Variants in NFATC3 observed in about 807,000 individuals in gnomAD.
NFATC3 encodes the protein nuclear factor of activated T cells 3.
NFATC3 carries 46 observed loss-of-function variants against 98.6 expected under a neutral mutation model. The ratio of observed to expected loss-of-function variants is 0.47; its 90% confidence interval spans 0.37 to 0.60. The LOEUF is 0.60. Among genes scored for constraint, NFATC3 ranks in the 20% least tolerant of loss-of-function variants. NFATC3 has a pLI of 0.00. For missense variants in NFATC3, 1,256 were observed against 1,295.5 expected (o/e 0.97, Z 0.47); for synonymous variants, 512 against 472.2 (o/e 1.08, Z -1.09).
In NFATC3 at chr16:68,085,753, G is replaced by A; in HGVS notation, c.72G>A (p.Pro24=). The A allele has an allele frequency of 6.7e-7, 1 of 1,503,506 alleles. No individual in the cohort carries two copies. Among genetic ancestry groups the A allele is most frequent in the Non-Finnish European group, 8.8e-7 (1 of 1,130,520 alleles). 93.1% of individuals were successfully genotyped at this position (1,503,506 alleles called of 1,614,324 possible). ...FKLVFGEDGA[P]APPPPGSRPA... ...TCGTCTTTGGCGAGGACGGGGCGCC[G>A]GCGCCGCCGCCCCCGGGCTCGCGGC... The change falls in exon 1 of 10, where the codon CCG becomes CCA. Residue 24 remains proline (P), a synonymous_variant. Coordinates refer to ENST00000346183, the MANE Select transcript of NFATC3 (RefSeq NM_173165.3).
At chr16:68,107,460 C>T (rs529605882) in intron 1 of NFATC3, among the ~76,000 whole-genome samples, 14 of 152,146 alleles carry the variant, frequency 9.2e-5, no homozygotes, top group South Asian at 4.1e-4. Context: ...TGGTGGCTTA[C>T]GCCTGTAATC....
At chr16:68,125,018 A>T (rs987816729) in intron 2 of NFATC3, among the ~76,000 whole-genome samples, 2 of 152,254 alleles carry the variant, frequency 1.3e-5, no homozygotes, top group Admixed American at 1.3e-4. Flanking sequence ...GGCGTGAGCC[A>T]CTGCGCCCGG....
At chr16:68,151,961 TGGAA>T (rs2038347492) in intron 3 of NFATC3, among the ~76,000 whole-genome samples, 2 of 150,572 alleles carry the variant, frequency 1.3e-5, no homozygotes, top group Non-Finnish European at 3.0e-5. Flanking sequence ...CCCAGTTACT[TGGAA>T]GGCTGAGGCA....
In NFATC3 at chr16:68,198,404, A is replaced by G. The variant is rs572710551; in HGVS notation, c.3106+6629A>G. 5.9e-5 allele frequency among the ~76,000 whole-genome samples: 9 copies of G among 152,336 alleles called. No individual in the cohort carries two copies. In the East Asian group the frequency reaches 1.2e-3, roughly 20 times the overall value. ...AACATCTGAATTTTACACAGAGCCTAAGGTGTTCATCCAGGATAAGACACT... is the reference window on the plus strand; with the variant it reads ...AACATCTGAATTTTACACAGAGCCTGAGGTGTTCATCCAGGATAAGACACT... On this transcript the variant is annotated intron_variant, in intron 9 of 9. Transcript: ENST00000346183.
At chr16:68,222,807 CTGA>C (rs1670768156) in intron 9 of NFATC3, among the ~76,000 whole-genome samples, 2 of 152,106 alleles carry the variant, frequency 1.3e-5, no homozygotes, top group Non-Finnish European at 2.9e-5. Flanking sequence ...ATGATGATGC[CTGA>C]TGATAATCTA....
rs149680809 is a variant in NFATC3 at position 68,114,834 on chromosome 16, A to G, written c.104-7153A>G. On this transcript the variant is annotated intron_variant, in intron 1 of 9. Transcript: ENST00000346183. The stretch of plus-strand genomic sequence containing the variant: ...GTGATCCGCCTGCCTCTGCCTCCCA[A>G]AGTGCTGAGATTACAGGCGTCAGCC... Among the ~76,000 whole-genome samples, 14 of 152,190 alleles carry G rather than the reference A, an allele frequency of 9.2e-5. No individual in the cohort carries two copies. The East Asian group carries it at 2.7e-3, about 29-fold the overall frequency.
At chr16:68,158,185 T>TAATGTACTA in intron 4 of NFATC3, 117 bp downstream of exon 4, 3 of 654,132 alleles carry the variant, frequency 4.6e-6, no homozygotes, top group Non-Finnish European at 7.4e-6. Flanking sequence ...ATTATGTAAA[T>TAATGTACTA]AATGTACATT....
chr16:68,122,370 A>G lies in NFATC3; in HGVS notation c.487A>G (p.Ser163Gly). Residue 163 changes from serine (S) to glycine (G), a missense_variant, in exon 2 of 10, where the codon AGT (serine) becomes GGT (glycine). By Grantham distance (56) the Ser-to-Gly change is moderately conservative. Transcript: ENST00000346183. ...LEPSYRESSL[S>G]PSPASSISSR... ...GCCATCCTACCGGGAGTCTTCTCTT[A>G]GTCCTAGTCCTGCCAGCAGCATCTC... 5 of 1,614,132 alleles carry G rather than the reference A, an allele frequency of 3.1e-6. No individual in the cohort carries two copies. Among genetic ancestry groups the G allele is most frequent in the East Asian group, 2.2e-5 (1 of 44,880 alleles).
chr16:68,162,787 C>G (rs949770738), intron 4 of NFATC3, among the ~76,000 whole-genome samples: 16 of 150,900 alleles, frequency 1.1e-4, no homozygotes, highest in Admixed American at 8.6e-4. Context: ...GGGTGTTTCT[C>G]GCAGAGGGGG....
At chr16:68,168,222 G>A (rs182655785) in intron 5 of NFATC3, among the ~76,000 whole-genome samples, 4 of 151,200 alleles carry the variant, frequency 2.6e-5, no homozygotes, top group Admixed American at 6.6e-5. Flanking sequence ...ATGTGGTGGC[G>A]CAATCTCAAC....
chr16:68,122,565 C>T lies in NFATC3; in HGVS notation c.682C>T (p.Gln228Ter). ...GCPGEETWHQQYGLGHSLSPR... is the reference protein window; with the variant it reads ...GCPGEETWHQ ...CCCTGGAGAAGAAACTTGGCATCAACAGTATGGACTTGGACACTCATTATC... is the reference window on the plus strand; with the variant it reads ...CCCTGGAGAAGAAACTTGGCATCAATAGTATGGACTTGGACACTCATTATC... Residue 228 changes from glutamine to a stop codon, truncating the protein, a stop_gained, in exon 2 of 10, where the codon CAG becomes TAG. Coordinates refer to ENST00000346183, the MANE Select transcript of NFATC3 (RefSeq NM_173165.3). LOFTEE classifies it high-confidence loss of function. The T allele has an allele frequency of 6.2e-7, 1 of 1,614,178 alleles. No homozygotes were observed. Among genetic ancestry groups the T allele is most frequent in the Non-Finnish European group, 8.5e-7 (1 of 1,180,020 alleles).
Position 68,228,048 on chromosome 16 carries a change from G to A in NFATC3, c.*1577G>A, listed in dbSNP as rs767661246. The A allele has an allele frequency of 9.8e-5, 15 of 152,296 alleles. No individual in the cohort carries two copies. The highest frequency in any genetic ancestry group is 1.9e-4 in the East Asian group (1 of 5,184). The allele number at this position is 152,296 out of a possible 1,614,324, so 9.4% of individuals were successfully genotyped here. ...ACTCTCTCTACTAAGGCCAGTTCAG[G>A]TCTGGGAAAGGGAGCTGGCCTATTG... On this transcript the variant is annotated 3_prime_UTR_variant, in exon 10 of 10. Transcript: ENST00000346183.
intron 1 of NFATC3, among the ~76,000 whole-genome samples, chr16:68,112,844 A>G (rs1255649158): frequency 2.0e-5 from 3 of 151,530 alleles, no homozygotes; most frequent in African/African-American, 7.3e-5. Context: ...ATAGTCTTCA[A>G]GCTCTGATAT....
chr16:68,093,369 G>A (rs1294228004), intron 1 of NFATC3, among the ~76,000 whole-genome samples: 1 of 152,078 alleles, frequency 6.6e-6, no homozygotes, highest in Non-Finnish European at 1.5e-5. Flanking sequence ...AGGAAATTGA[G>A]ACTCAAATTG....
Position 68,226,753 on chromosome 16 carries a change from CTT to C in NFATC3, c.*283_*284del, listed in dbSNP as rs894105623. The C allele has an allele frequency of 2.1e-5, 5 of 239,742 alleles. No homozygotes were observed. Among genetic ancestry groups the C allele is most frequent in the Non-Finnish European group, 4.0e-5 (5 of 125,700 alleles). 14.9% of individuals were successfully genotyped at this position (239,742 alleles called of 1,614,324 possible). A position where few individuals can be genotyped will look rare whatever the true frequency, so the allele number is the denominator to read the frequency against. ...TTTGAGTGTGAATGCAGCAGGCTCT[CTT>C]GTTTCCGAGGTGCTGCTTTTGCAGG... On this transcript the variant is annotated 3_prime_UTR_variant, in exon 10 of 10. Transcript: ENST00000346183.
At position 68,101,135 on chromosome 16, in the gene NFATC3, G is replaced by A. The variant is rs546143036; in HGVS notation, c.103+15351G>A. Among the ~76,000 whole-genome samples the A allele has an allele frequency of 3.9e-5, 6 of 151,962 alleles. No individual in the cohort carries two copies. In the East Asian group the frequency reaches 5.8e-4, roughly 15 times the overall value. On this transcript the variant is annotated intron_variant, in intron 1 of 9. Transcript: ENST00000346183. ...CCATGCTCACAAAGATTTTCTCCTC[G>A]GTTTTCTTTTCTTTTCTTTTTTTTG...
At chr16:68,136,191 C>T (rs2037394624) in intron 3 of NFATC3, among the ~76,000 whole-genome samples, 1 of 152,088 alleles carries the variant, frequency 6.6e-6, no homozygotes, top group Admixed American at 6.5e-5. Context: ...TTTGTAGGTT[C>T]GTGCTGCTAT....
At chr16:68,134,569 A>G (rs1328110506) in intron 3 of NFATC3, among the ~76,000 whole-genome samples, 1 of 151,918 alleles carries the variant, frequency 6.6e-6, no homozygotes, top group Non-Finnish European at 1.5e-5. Context: ...TTCTTGCTTC[A>G]TTGTATTGAC....
At chr16:68,169,376 C>T (rs2039356369) in intron 5 of NFATC3, among the ~76,000 whole-genome samples, 1 of 152,100 alleles carries the variant, frequency 6.6e-6, no homozygotes, top group Non-Finnish European at 1.5e-5. Context: ...TTAAGCAATC[C>T]TCCCACCTCA....
Sources: allele counts gnomAD v4.1 joint callset (sites outside exome capture counted in the v4.1 genomes callset), GRCh38; gene constraint gnomAD v4.1.1; transcripts MANE v1.5; gene names NCBI Gene and HGNC (gene_info 2026-07-23, HGNC 2026-07-21).